IL17B: variants seen among roughly 807,000 people sequenced by gnomAD.
IL17B encodes the protein interleukin-17B.
In IL17B, 14 loss-of-function variants were observed where a neutral mutation model predicts 14.7. The ratio of observed to expected loss-of-function variants is 0.95; its 90% CI spans 0.63 to 1.49. The LOEUF (loss-of-function observed/expected upper bound fraction) is 1.49. IL17B is among the 40% of genes most tolerant of loss of function. IL17B has a pLI of 0.00. For missense variants in IL17B, 233 were observed against 252.8 expected (o/e 0.92, Z 0.53); for synonymous variants, 105 against 94.8 (o/e 1.11, Z -0.62).
chr5:149,374,293 T>C lies in IL17B; in HGVS notation c.*76A>G, dbSNP rs1758455518. The C allele has an allele frequency of 7.2e-7, 1 of 1,383,906 alleles. No homozygotes were observed. Among genetic ancestry groups the C allele is most frequent in the South Asian group, 1.5e-5 (1 of 68,338 alleles). 85.7% of individuals were successfully genotyped at this position (1,383,906 alleles called of 1,614,324 possible). Reference sequence around the variant, plus strand: ...TGCTTTCAAAAGTCAGTGTTTACTTTTCATAGGCCTTTCTTGGCACAAAGG... The same window carrying C: ...TGCTTTCAAAAGTCAGTGTTTACTTCTCATAGGCCTTTCTTGGCACAAAGG... On this transcript the variant is annotated 3_prime_UTR_variant, in exon 3 of 3. Transcript: ENST00000261796. The surrounding 1 kb of genome is among the most constrained non-coding windows in gnomAD (Gnocchi z 5.0).
rs377657261 is a variant in IL17B at position 149,378,018 on chromosome 5, C to T, written c.22-993G>A. Reference sequence around the variant, plus strand: ...AATTAGCCGGGTGTGGTGGCGGGTGCCTGTAGTCCCAGCTACTTGGGAGGC... The same window carrying T: ...AATTAGCCGGGTGTGGTGGCGGGTGTCTGTAGTCCCAGCTACTTGGGAGGC... On this transcript the variant is annotated intron_variant, in intron 1 of 2. Coordinates refer to ENST00000261796, the MANE Select transcript of IL17B (RefSeq NM_014443.3). Among the ~76,000 whole-genome samples the T allele has an allele frequency of 2.5e-4, 38 of 152,194 alleles. 1 individual carries two copies. The highest frequency in any genetic ancestry group is 8.9e-4 in the African/African-American group (37 of 41,526).
intron 2 of IL17B, 84 bp downstream of exon 2, chr5:149,376,652 C>T: frequency 6.6e-7 from 1 of 1,504,268 alleles, no homozygotes; most frequent in Non-Finnish European, 8.9e-7. Flanking sequence ...ACCTCTGAAT[C>T]TGAGATCTTA....
chr5:149,395,482 G>A (rs1258541747), intron 1 of IL17B, among the ~76,000 whole-genome samples: 1 of 152,144 alleles, frequency 6.6e-6, no homozygotes, highest in Non-Finnish European at 1.5e-5. Flanking sequence ...TAACGCTGGT[G>A]ATTGAACAGC....
chr5:149,403,841 T>C (rs1189219961), intron 1 of IL17B, among the ~76,000 whole-genome samples: 2 of 152,196 alleles, frequency 1.3e-5, no homozygotes, highest in African/African-American at 4.8e-5. Context: ...TCCACTGGCT[T>C]AAAAAGTATT....
intron 1 of IL17B, among the ~76,000 whole-genome samples, chr5:149,398,488 GAC>G (rs527379864): frequency 2.9e-4 from 44 of 152,332 alleles, no homozygotes; most frequent in African/African-American, 1.0e-3. Context: ...GGCAGACACA[GAC>G]ACAGCCCTTA....
At chr5:149,395,840 T>G (rs936159066) in intron 1 of IL17B, among the ~76,000 whole-genome samples, 2 of 152,084 alleles carry the variant, frequency 1.3e-5, no homozygotes, top group Admixed American at 6.5e-5. Flanking sequence ...GCCCAGCTAA[T>G]TTTTGTATTT....
upstream of IL17B, among the ~76,000 whole-genome samples, chr5:149,380,599 C>A (rs1406215731): frequency 6.6e-6 from 1 of 152,162 alleles, no homozygotes; most frequent in Non-Finnish European, 1.5e-5. Context: ...ATGTCTCTCA[C>A]CTCAGGTGAA....
At chr5:149,404,122 T>G (rs1292151663) in exon 1 of IL17B, 1 of 152,182 alleles carries the variant, frequency 6.6e-6, no homozygotes, top group Non-Finnish European at 1.5e-5. Context: ...CCGCAGTCTG[T>G]CGACCTGTTT....
upstream of IL17B, among the ~76,000 whole-genome samples, chr5:149,379,549 G>A (rs1383284133): frequency 1.2e-4 from 18 of 152,210 alleles, no homozygotes; most frequent in Admixed American, 6.5e-4. Flanking sequence ...GCGGCCGGCC[G>A]CCCAGCCAGC....
At position 149,393,354 on chromosome 5, in the gene IL17B, C is replaced by T. The variant is rs560304239; in HGVS notation, n.95+10754G>A. Among the ~76,000 whole-genome samples, 42 of 152,140 alleles carry T rather than the reference C, an allele frequency of 2.8e-4. 1 individual carries two copies. The South Asian group carries it at 7.1e-3, about 26-fold the overall frequency. ...TGTGCCCTATGCATCCCTGTGGCTC[C>T]GTACAAATTAGCAATTGGCTCTTTA... On this transcript the variant is annotated intron_variant and non_coding_transcript_variant, in intron 1 of 2. Coordinates refer to the IL17B transcript ENST00000505432.
At chr5:149,395,701 C>A (rs1338542745) in intron 1 of IL17B, among the ~76,000 whole-genome samples, 1 of 152,202 alleles carries the variant, frequency 6.6e-6, no homozygotes, top group Non-Finnish European at 1.5e-5. Context: ...GAGGAGGAGT[C>A]TCGCTCTGTT....
At position 149,374,841 on chromosome 5, in the gene IL17B, TC is replaced by T. The variant is rs1166750807; in HGVS notation, c.312-242del. On this transcript the variant is annotated intron_variant, in intron 2 of 2. Coordinates refer to ENST00000261796, the MANE Select transcript of IL17B (RefSeq NM_014443.3). This position sits in a 1 kb window ranked among gnomAD's most constrained non-coding sequence, Gnocchi z 5.0. ...AAGGTCACCAGTCACCCAGCTTCCT[TC>T]TTTCGTGCAGCCAGATGCCCATCCC... The T allele has an allele frequency of 2.0e-6, 1 of 491,012 alleles. No homozygotes were observed. Among genetic ancestry groups the T allele is most frequent in the Non-Finnish European group, 3.7e-6 (1 of 273,150 alleles). The allele number at this position is 491,012 out of a possible 1,614,324, so 30.4% of individuals were successfully genotyped here.
chr5:149,387,690 C>T (rs1758853525), intron 1 of IL17B, among the ~76,000 whole-genome samples: 2 of 148,024 alleles, frequency 1.4e-5, no homozygotes, highest in Admixed American at 6.8e-5. Flanking sequence ...GCGAGAGGAT[C>T]ACTTGATCCC....
At chr5:149,378,021 G>A (rs353270) in intron 1 of IL17B, among the ~76,000 whole-genome samples, 17,245 of 152,078 alleles carry the variant, frequency 0.11, 1,308 homozygotes, top group Non-Finnish European at 0.16. Flanking sequence ...GCGGGTGCCT[G>A]TAGTCCCAGC....
At chr5:149,399,963 A>C (rs1003584434) in intron 1 of IL17B, among the ~76,000 whole-genome samples, 5 of 152,070 alleles carry the variant, frequency 3.3e-5, no homozygotes, top group African/African-American at 9.7e-5. Flanking sequence ...TTCTGGAGGG[A>C]GGTTACCTTC....
At chr5:149,398,385 G>A (rs946876838) in intron 1 of IL17B, among the ~76,000 whole-genome samples, 7 of 152,160 alleles carry the variant, frequency 4.6e-5, no homozygotes, top group Non-Finnish European at 7.3e-5. Context: ...TAACTGTATC[G>A]GAAAGGGTCT....
chr5:149,377,518 C>T (rs749272235), intron 1 of IL17B, among the ~76,000 whole-genome samples: 4 of 152,226 alleles, frequency 2.6e-5, no homozygotes, highest in Admixed American at 2.6e-4. Flanking sequence ...CCCGTGTCTG[C>T]GTGATGCATT....
chr5:149,380,517 TTG>T (rs781380116), upstream of IL17B, among the ~76,000 whole-genome samples: 34 of 152,090 alleles, frequency 2.2e-4, no homozygotes, highest in Non-Finnish European at 2.4e-4. Context: ...GGCCACAAGT[TTG>T]TGAGGTCGGA....
At chr5:149,377,939 C>T (rs1422613373) in intron 1 of IL17B, among the ~76,000 whole-genome samples, 5 of 151,986 alleles carry the variant, frequency 3.3e-5, no homozygotes, top group South Asian at 2.1e-4. Context: ...GTCAGGAGAT[C>T]GAGACCATCC....
Sources: gnomAD v4.1 joint callset for allele counts (sites outside exome capture counted in the v4.1 genomes callset) on GRCh38, gnomAD v4.1.1 for gene constraint, Gnocchi (gnomAD v3.1) non-coding constraint, MANE v1.5 for transcripts, NCBI Gene and HGNC (gene_info 2026-07-23, HGNC 2026-07-21) for gene names.